PRPF6: variants seen among roughly 807,000 people sequenced by gnomAD.
The protein encoded by PRPF6 is pre-mRNA-processing factor 6.
In PRPF6, 42 loss-of-function variants were observed where a neutral mutation model predicts 118.3. That is an observed-to-expected ratio of 0.35 (90% confidence interval 0.28 to 0.46). The LOEUF (loss-of-function observed/expected upper bound fraction) is 0.46, where lower values mean the gene tolerates loss of function less well. Among genes scored for constraint, PRPF6 ranks in the 20% least tolerant of loss-of-function variants. The probability of loss-of-function intolerance (pLI) is 1.00; values close to 1 mark genes in which losing one functional copy is unlikely to be tolerated. For missense variants in PRPF6, 662 were observed against 1,255.7 expected (o/e 0.53, Z 7.15); for synonymous variants, 481 against 485.1 (o/e 0.99, Z 0.11).
rs147510995 is a variant in PRPF6 at position 63,993,013 on chromosome 20, C to T, written c.360-394C>T. On this transcript the variant is annotated intron_variant, in intron 3 of 20. Coordinates refer to ENST00000266079, the MANE Select transcript of PRPF6 (RefSeq NM_012469.4). Reference sequence around the variant, plus strand: ...TGGGTAGATCACAAGGTCAGGAGTTCGAGAACAGCCTGGCCAGGATGGTGA... The same window carrying T: ...TGGGTAGATCACAAGGTCAGGAGTTTGAGAACAGCCTGGCCAGGATGGTGA... 5.6e-3 allele frequency among the ~76,000 whole-genome samples: 851 copies of T among 151,936 alleles called. 25 individuals carry two copies. The highest frequency in any genetic ancestry group is 0.047 in the Admixed American group (722 of 15,226).
intron 2 of PRPF6, 53 bp downstream of exon 2, chr20:63,983,268 G>T: frequency 1.2e-6 from 2 of 1,609,012 alleles, no homozygotes; most frequent in South Asian, 2.2e-5. Context: ...GGGAGCAGCT[G>T]ACCTAACCAG....
At chr20:64,002,014 G>GTTTTTTTTTTTTTTTTTTTTTT (rs386394238) in intron 9 of PRPF6, among the ~76,000 whole-genome samples, 1 of 83,242 alleles carries the variant, frequency 1.2e-5, no homozygotes, top group Non-Finnish European at 2.1e-5. Context: ...TTTTTTTCTG[G>GTTTTTTTTTTTTTTTTTTTTTT]TTTTTTTTTT....
chr20:64,007,522 A>G (rs2059196296), intron 9 of PRPF6, among the ~76,000 whole-genome samples: 1 of 145,648 alleles, frequency 6.9e-6, no homozygotes, highest in African/African-American at 2.6e-5. Flanking sequence ...GCTGGAGTTC[A>G]GTGGTGCAGT....
chr20:64,015,740 C>T (rs1210635516), intron 11 of PRPF6, among the ~76,000 whole-genome samples: 5 of 152,162 alleles, frequency 3.3e-5, no homozygotes, highest in Non-Finnish European at 5.9e-5. Context: ...GATTTATGCC[C>T]CCTTCACCAA....
At chr20:63,988,016 C>T (rs2059102319) in intron 3 of PRPF6, among the ~76,000 whole-genome samples, 2 of 151,418 alleles carry the variant, frequency 1.3e-5, no homozygotes, top group South Asian at 4.2e-4. Context: ...AACCCTGTCT[C>T]TACTAAAAAA....
intron 8 of PRPF6, among the ~76,000 whole-genome samples, chr20:64,000,178 G>GT (rs2059160192): frequency 6.6e-6 from 1 of 152,046 alleles, no homozygotes; most frequent in Non-Finnish European, 1.5e-5. Context: ...AAAGAGCTCA[G>GT]TTGGTCAGCT....
At position 63,999,835 on chromosome 20, in the gene PRPF6, A is replaced by G. The variant is rs543716812; in HGVS notation, c.1023+76A>G. The G allele has an allele frequency of 1.0e-5, 16 of 1,547,696 alleles. No individual in the cohort carries two copies. In the African/African-American group the frequency reaches 1.6e-4, roughly 16 times the overall value. ...CCTACGGGAGTAAACTTGTTAGAGC[A>G]AATCTCTTTGTCTTTTGGTATTGAA... On this transcript the variant is annotated intron_variant, in intron 8 of 20. Coordinates refer to ENST00000266079, the MANE Select transcript of PRPF6 (RefSeq NM_012469.4).
At chr20:64,005,240 T>C (rs115769771) in intron 9 of PRPF6, among the ~76,000 whole-genome samples, 259 of 152,238 alleles carry the variant, frequency 1.7e-3, no homozygotes, top group African/African-American at 5.9e-3. Flanking sequence ...CATGGAGATA[T>C]GTCAGCTCTC....
In PRPF6 at chr20:63,981,142, C is replaced by T; in HGVS notation, c.-104C>T. The T allele has an allele frequency of 1.6e-6, 2 of 1,269,672 alleles. No individual in the cohort carries two copies. Among genetic ancestry groups the T allele is most frequent in the East Asian group, 2.5e-5 (1 of 39,508 alleles). 78.7% of individuals were successfully genotyped at this position (1,269,672 alleles called of 1,614,324 possible). Reference sequence around the variant, plus strand: ...CGCGGGTGACGCGACGACGGCGACACTTTGCTACGGAGTGCATCGGACGTC... The same window carrying T: ...CGCGGGTGACGCGACGACGGCGACATTTTGCTACGGAGTGCATCGGACGTC... On this transcript the variant is annotated 5_prime_UTR_variant, in exon 1 of 21. Coordinates refer to ENST00000266079, the MANE Select transcript of PRPF6 (RefSeq NM_012469.4).
At chr20:64,021,723 CCGTGTGTGTG>C (rs2059266018) in intron 12 of PRPF6, among the ~76,000 whole-genome samples, 2 of 135,150 alleles carry the variant, frequency 1.5e-5, no homozygotes, top group African/African-American at 2.9e-5. Context: ...AGCCACAGCC[CCGTGTGTGTG>C]CGTGTGTGTG....
intron 12 of PRPF6, among the ~76,000 whole-genome samples, chr20:64,021,354 T>C (rs1218538985): frequency 6.7e-6 from 1 of 149,992 alleles, no homozygotes; most frequent in Non-Finnish European, 1.5e-5. Flanking sequence ...TGTGTGTGTG[T>C]GCGTGTGCAT....
rs147281171 is a variant in PRPF6, at chr20:64,028,239, C to G, written c.2340-239C>G. Among the ~76,000 whole-genome samples, 565 of 152,358 alleles carry G rather than the reference C, an allele frequency of 3.7e-3. 7 individuals are homozygous for G. The highest frequency in any genetic ancestry group is 0.013 in the African/African-American group (544 of 41,592). ...GTCTTGTTTGTTCTGGATGCCTTCA[C>G]CTGCATCTGGACAGCGTCAGGATCT... On this transcript the variant is annotated intron_variant, in intron 17 of 20. Coordinates refer to ENST00000266079, the MANE Select transcript of PRPF6 (RefSeq NM_012469.4). This position sits in a 1 kb window ranked among gnomAD's most constrained non-coding sequence, Gnocchi z 6.5.
intron 9 of PRPF6, among the ~76,000 whole-genome samples, chr20:64,008,631 C>CTT (rs113543147): frequency 0.25 from 38,007 of 151,870 alleles, 5,864 homozygotes; most frequent in African/African-American, 0.43. Flanking sequence ...TTAGGTCACT[C>CTT]TTTGCTTTTA....
intron 9 of PRPF6, among the ~76,000 whole-genome samples, chr20:64,006,619 C>T (rs577499379): frequency 6.6e-6 from 1 of 152,340 alleles, no homozygotes; most frequent in East Asian, 1.9e-4. Flanking sequence ...CACACCCGGC[C>T]TTTGGACCAG....
intron 2 of PRPF6, among the ~76,000 whole-genome samples, chr20:63,983,692 T>C (rs2059081463): frequency 6.6e-6 from 1 of 151,192 alleles, no homozygotes; most frequent in South Asian, 2.1e-4. Flanking sequence ...TTCGCTCTTG[T>C]TGGCCAGGCT....
chr20:64,011,166 G>T lies in PRPF6; in HGVS notation c.1306-119G>T. Reference sequence around the variant, plus strand: ...GACACTTCTCAGGCCATGTTCAGATGGTTCTCGAGAGCTAAGAAAGAACGT... The same window carrying T: ...GACACTTCTCAGGCCATGTTCAGATTGTTCTCGAGAGCTAAGAAAGAACGT... On this transcript the variant is annotated intron_variant, in intron 10 of 20. Transcript: ENST00000266079. This position sits in a 1 kb window ranked among gnomAD's most constrained non-coding sequence, Gnocchi z 6.7. 7 of 844,094 alleles carry T rather than the reference G, an allele frequency of 8.3e-6. No individual in the cohort carries two copies. The highest frequency in any genetic ancestry group is 3.2e-4 in the Middle Eastern group (1 of 3,100). The allele number at this position is 844,094 out of a possible 1,614,324, so 52.3% of individuals were successfully genotyped here.
At position 64,029,318 on chromosome 20, in the gene PRPF6, C is replaced by T; in HGVS notation, c.2432-59C>T. ...CCCGGGTTAGAATCTGTAGGCTGGG[C>T]ACCTTTCCGGAACCAGAGGCTGGAG... On this transcript the variant is annotated intron_variant, in intron 18 of 20. Transcript: ENST00000266079. The surrounding 1 kb of genome is among the most constrained non-coding windows in gnomAD (Gnocchi z 4.8). The T allele has an allele frequency of 6.7e-7, 1 of 1,489,860 alleles. No individual in the cohort carries two copies. Among genetic ancestry groups the T allele is most frequent in the South Asian group, 1.1e-5 (1 of 88,692 alleles). The allele number at this position is 1,489,860 out of a possible 1,614,324, so 92.3% of individuals were successfully genotyped here. A position where few individuals can be genotyped will look rare whatever the true frequency, so the allele number is the denominator to read the frequency against.
chr20:64,029,436 G>C lies in PRPF6; in HGVS notation c.2491G>C (p.Val831Leu), dbSNP rs749610328. 6.2e-7 allele frequency: 1 copy of C among 1,614,096 alleles called. No individual in the cohort carries two copies. The highest frequency in any genetic ancestry group is 8.5e-7 in the Non-Finnish European group (1 of 1,180,046). ...EARPQRRTKS[V>L]DALKKCEHDP... Reference sequence around the variant, plus strand: ...AAGGCCCCAGAGGAGGACCAAGAGCGTGGATGCCCTGAAGAAGTGTGAGCA... The same window carrying C: ...AAGGCCCCAGAGGAGGACCAAGAGCCTGGATGCCCTGAAGAAGTGTGAGCA... Residue 831 changes from valine to leucine, a missense_variant, in exon 19 of 21, where the codon GTG (valine) becomes CTG (leucine). Val to Leu is a conservative substitution (Grantham distance 32). Transcript: ENST00000266079. This position sits in a 1 kb window ranked among gnomAD's most constrained non-coding sequence, Gnocchi z 4.8.
chr20:64,020,680 G>A (rs1467184910), intron 12 of PRPF6, among the ~76,000 whole-genome samples: 5 of 152,012 alleles, frequency 3.3e-5, no homozygotes, highest in African/African-American at 1.2e-4. Context: ...TGTGTTTACT[G>A]TAGTTCTGTT....
Sources: gnomAD v4.1 joint callset for allele counts (sites outside exome capture counted in the v4.1 genomes callset) on GRCh38, gnomAD v4.1.1 for gene constraint, Gnocchi (gnomAD v3.1) non-coding constraint, MANE v1.5 for transcripts, NCBI Gene and HGNC (gene_info 2026-07-23, HGNC 2026-07-21) for gene names.